PCDH11X: variants seen among roughly 807,000 people sequenced by gnomAD.
PCDH11X encodes the protein protocadherin 11 X-linked, also known as protocadherin-11 X-linked.
Under a neutral mutation model 53.3 loss-of-function variants are expected in PCDH11X, and 18 were observed. The ratio of observed to expected loss-of-function variants is 0.34; its 90% CI spans 0.23 to 0.50. The LOEUF is 0.50. Ranked by LOEUF, PCDH11X falls within the 20% of genes least tolerant of loss-of-function variation. The pLI, the probability that PCDH11X is intolerant of heterozygous loss-of-function variation, is 0.98. For synonymous variants in PCDH11X, 279 were observed against 393.3 expected (o/e 0.71, Z 3.44); for missense variants, 570 against 1,032.4 (o/e 0.55, Z 6.14).
At chrX:91,915,545 A>C (rs1332266075) in intron 6 of PCDH11X, among the ~76,000 whole-genome samples, 1 of 111,183 alleles carries the variant, frequency 9.0e-6, no homozygotes, top group East Asian at 2.8e-4. Flanking sequence ...AGCTATTCCT[A>C]TATCAGACAA....
chrX:92,484,118 AGTATATATATGTATATATGTAT>A (rs1173527969), intron 10 of PCDH11X, among the ~76,000 whole-genome samples: 2 of 71,872 alleles, frequency 2.8e-5, no homozygotes, highest in Non-Finnish European at 5.4e-5. Flanking sequence ...GTATATATAT[AGTATATATATGTATATATGTAT>A]GTATATATAT....
At chrX:92,524,727 C>T (rs1184761563) in intron 10 of PCDH11X, among the ~76,000 whole-genome samples, 1 of 111,011 alleles carries the variant, frequency 9.0e-6, no homozygotes, top group Non-Finnish European at 1.9e-5. Flanking sequence ...CAATCTCTTG[C>T]CATTCTGTGA....
At chrX:91,835,407 T>C (rs1306685138) in intron 4 of PCDH11X, 54 bp from the exon 5 acceptor site, 2 of 1,207,165 alleles carry the variant, frequency 1.7e-6, no homozygotes, top group Admixed American at 2.2e-5. Flanking sequence ...TGTTTAGGGT[T>C]GGCTTCTTAA....
chrX:91,878,289 A>G lies in PCDH11X; in HGVS notation c.2049A>G (p.Glu683=). 1 of 1,211,402 alleles carries G rather than the reference A, an allele frequency of 8.3e-7. No individual in the cohort carries two copies. The highest frequency in any genetic ancestry group is 1.1e-6 in the Non-Finnish European group (1 of 895,422). The change falls in exon 6 of 11, where the codon GAA becomes GAG. Residue 683 remains glutamate, a synonymous_variant. Transcript: ENST00000682573. ...TCCCTCCTTCCAACTGTTCTTATGA[A>G]TTGGTTCTACCGTCCACTAATCCAG... ...FIVPPSNCSY[E]LVLPSTNPGT...
chrX:92,457,573 T>G (rs1028377613), intron 9 of PCDH11X, among the ~76,000 whole-genome samples: 17 of 109,596 alleles, frequency 1.6e-4, no homozygotes, highest in Non-Finnish European at 2.5e-4. Context: ...AAAACCATAC[T>G]TTCGTTTCAA....
chrX:92,303,595 A>G (rs1253407818), intron 8 of PCDH11X, among the ~76,000 whole-genome samples: 1 of 111,764 alleles, frequency 8.9e-6, no homozygotes, highest in African/African-American at 3.2e-5. Context: ...AAGAAACACT[A>G]TCTGACAAAA....
chrX:92,096,410 T>G (rs2148126568), intron 6 of PCDH11X, among the ~76,000 whole-genome samples: 1 of 105,586 alleles, frequency 9.5e-6, no homozygotes, highest in African/African-American at 3.4e-5. Flanking sequence ...TATACATAGT[T>G]TAGGGGCCCT....
chrX:92,219,079 T>C (rs747245269), intron 7 of PCDH11X, among the ~76,000 whole-genome samples: 2,656 of 110,531 alleles, frequency 0.024, 56 homozygotes, highest in Non-Finnish European at 0.039. Flanking sequence ...GACAAACCCA[T>C]GGCCAATATC....
chrX:92,095,707 T>C (rs1414272661), intron 6 of PCDH11X, among the ~76,000 whole-genome samples: 1 of 112,241 alleles, frequency 8.9e-6, no homozygotes, highest in Non-Finnish European at 1.9e-5. Context: ...ATATACGCCA[T>C]TTAAACCTTA....
chrX:91,966,400 C>A (rs992992733), intron 6 of PCDH11X, among the ~76,000 whole-genome samples: 1 of 108,031 alleles, frequency 9.3e-6, no homozygotes, highest in African/African-American at 3.4e-5. Context: ...ATGTGTTATT[C>A]AACTAAAGAA....
chrX:92,099,604 G>A (rs899006615), intron 6 of PCDH11X, among the ~76,000 whole-genome samples: 2 of 111,852 alleles, frequency 1.8e-5, no homozygotes, highest in Non-Finnish European at 3.8e-5. Flanking sequence ...TAAAAATGGA[G>A]AAAGAATAAG....
At chrX:92,160,092 T>C (rs1452504225) in intron 6 of PCDH11X, among the ~76,000 whole-genome samples, 1 of 110,662 alleles carries the variant, frequency 9.0e-6, no homozygotes, top group Non-Finnish European at 1.9e-5. Context: ...TTTTGTTTAT[T>C]TTTTTGTTTG....
intron 8 of PCDH11X, among the ~76,000 whole-genome samples, chrX:92,265,069 C>G (rs2067798293): frequency 9.2e-6 from 1 of 108,758 alleles, no homozygotes; most frequent in African/African-American, 3.3e-5. Flanking sequence ...TAAGCAGAAT[C>G]TTTTTTGGAG....
chrX:92,023,198 C>T (rs1208607500), intron 6 of PCDH11X, among the ~76,000 whole-genome samples: 4 of 108,260 alleles, frequency 3.7e-5, no homozygotes, highest in Non-Finnish European at 7.6e-5. Context: ...AGAGACACAA[C>T]AATCCCTCCA....
intron 10 of PCDH11X, among the ~76,000 whole-genome samples, chrX:92,523,365 C>A (rs72608324): frequency 0.11 from 12,489 of 111,437 alleles, 558 homozygotes; most frequent in Admixed American, 0.23. Flanking sequence ...ACAAATGTTG[C>A]ATCCAGTCAT....
In PCDH11X at chrX:91,923,897, G is replaced by C. The variant is rs181600864; in HGVS notation, c.3033+44624G>C. On this transcript the variant is annotated intron_variant, in intron 6 of 10. Transcript: ENST00000682573. Reference sequence around the variant, plus strand: ...TAGACACTGGAGACTACTAGAGTGGGGGGGAGCTGAAAAACTACCAATTGA... The same window carrying C: ...TAGACACTGGAGACTACTAGAGTGGCGGGGAGCTGAAAAACTACCAATTGA... Among the ~76,000 whole-genome samples, 3 of 110,528 alleles carry C rather than the reference G, an allele frequency of 2.7e-5. No individual in the cohort carries two copies. In the East Asian group the frequency reaches 8.7e-4, roughly 32 times the overall value.
chrX:92,495,577 T>C (rs1167397826), intron 10 of PCDH11X, among the ~76,000 whole-genome samples: 1 of 111,044 alleles, frequency 9.0e-6, no homozygotes, highest in African/African-American at 3.3e-5. Context: ...ATGTAAAGTA[T>C]GCAATTTGGC....
At chrX:91,928,075 C>T (rs1192126097) in intron 6 of PCDH11X, among the ~76,000 whole-genome samples, 1 of 110,727 alleles carries the variant, frequency 9.0e-6, no homozygotes. Context: ...GAGACAGACA[C>T]TTAGCCTGGA....
At chrX:92,225,067 A>G (rs2066945583) in intron 7 of PCDH11X, among the ~76,000 whole-genome samples, 1 of 111,769 alleles carries the variant, frequency 8.9e-6, no homozygotes, top group Admixed American at 9.6e-5. Flanking sequence ...AACAACTATT[A>G]AAAAGACTGT....
Sources: allele counts gnomAD v4.1 joint callset (sites outside exome capture counted in the v4.1 genomes callset), GRCh38; gene constraint gnomAD v4.1.1; transcripts MANE v1.5; gene names NCBI Gene and HGNC (gene_info 2026-07-23, HGNC 2026-07-21).